The following INF2 variants were observed in gnomAD, a reference collection of about 807,000 sequenced individuals.
INF2 encodes the protein inverted formin 2, also known as inverted formin-2.
In INF2, 43 loss-of-function variants were observed where a neutral mutation model predicts 123.5. That is an observed-to-expected ratio of 0.35 (90% confidence interval 0.27 to 0.45). INF2 has a LOEUF of 0.45. Ranked by LOEUF, INF2 falls within the 20% of genes least tolerant of loss-of-function variation. The pLI, the probability that INF2 is intolerant of heterozygous loss-of-function variation, is 1.00. For synonymous variants in INF2, 851 were observed against 745.0 expected (o/e 1.14, Z -2.32); for missense variants, 1,453 against 1,682.7 (o/e 0.86, Z 2.39).
intron 10 of INF2, among the ~76,000 whole-genome samples, 170 bp from the exon 11 acceptor site, chr14:104,709,111 G>C (rs952424255): frequency 6.6e-6 from 1 of 152,150 alleles, no homozygotes; most frequent in Non-Finnish European, 1.5e-5. Flanking sequence ...GAGTCAGCCT[G>C]GGTCCCCTTC....
chr14:104,714,950 G>C, intron 21 of INF2, 94 bp downstream of exon 21: 1 of 1,326,540 alleles, frequency 7.5e-7, no homozygotes, highest in Non-Finnish European at 1.0e-6. Flanking sequence ...GCAAGTTCCA[G>C]CGGCACCCAG....
chr14:104,683,213 G>A (rs1164347533), intron 1 of INF2, among the ~76,000 whole-genome samples: 1 of 152,052 alleles, frequency 6.6e-6, no homozygotes, highest in Non-Finnish European at 1.5e-5. Context: ...GGGGAGGAGG[G>A]GCCCTGGGGA....
intron 15 of INF2, 59 bp downstream of exon 15, chr14:104,711,245 G>T: frequency 7.5e-7 from 1 of 1,336,664 alleles, no homozygotes; most frequent in Non-Finnish European, 1.0e-6. Context: ...GACCTGGGGT[G>T]TAGAGGCGTA....
intron 13 of INF2, 135 bp downstream of exon 13, chr14:104,710,323 AC>A: frequency 1.5e-6 from 1 of 658,684 alleles, no homozygotes; most frequent in Non-Finnish European, 2.7e-6. Context: ...AGCCTTCACC[AC>A]CACTCCGGAA....
chr14:104,704,381 T>G, intron 5 of INF2: 1 of 248,560 alleles, frequency 4.0e-6, no homozygotes, highest in Non-Finnish European at 7.7e-6. Context: ...TGTTCGTCGC[T>G]ACTTGGTGTC....
rs543889606 is a variant in INF2, at chr14:104,706,040, T to G, written c.707T>G (p.Leu236Arg). ...LLDVLARLRD[L>R]EDADLLIQLE... ...ACCTGGCCCCTCCTGCACAGAGACC[T>G]GGAGGATGCCGACCTGCTGATCCAG... Residue 236 changes from leucine to arginine, a missense_variant, in exon 6 of 23, where the codon CTG becomes CGG. This residue lies in a region of INF2 where 251 missense variants were observed against 349.4 expected (regional missense o/e 0.72). Transcript: ENST00000392634. 2.5e-6 allele frequency: 4 copies of G among 1,611,984 alleles called. No individual in the cohort carries two copies. The South Asian group carries it at 4.4e-5, about 18-fold the overall frequency.
chr14:104,700,824 G>C (rs1462621109), intron 1 of INF2: 2 of 985,098 alleles, frequency 2.0e-6, no homozygotes, highest in African/African-American at 3.5e-5. Context: ...CTCCTCCCCA[G>C]CCACGCTGCT....
Position 104,719,181 on chromosome 14 carries a change from A to C in INF2, c.*388A>C. 1 of 259,562 alleles carries C rather than the reference A, an allele frequency of 3.9e-6. No individual in the cohort carries two copies. The highest frequency in any genetic ancestry group is 7.3e-6 in the Non-Finnish European group (1 of 137,132). The allele number at this position is 259,562 out of a possible 1,614,324, so 16.1% of individuals were successfully genotyped here. On this transcript the variant is annotated 3_prime_UTR_variant, in exon 23 of 23. Coordinates refer to ENST00000392634, the MANE Select transcript of INF2 (RefSeq NM_022489.4). ...GCCCAGCAAGGTTTAATCAAAATGCAATGCTTTGCAAGTCTTTACTGCTTG... is the reference window on the plus strand; with the variant it reads ...GCCCAGCAAGGTTTAATCAAAATGCCATGCTTTGCAAGTCTTTACTGCTTG...
At chr14:104,687,512 T>C (rs1288826674), upstream of INF2, among the ~76,000 whole-genome samples, 1 of 151,602 alleles carries the variant, frequency 6.6e-6, no homozygotes, top group Admixed American at 6.6e-5. The surrounding 1 kb of genome is among the most constrained non-coding windows in gnomAD (Gnocchi z 5.6). Flanking sequence ...ACACTCTTAA[T>C]CAGGGCCCAA....
intron 17 of INF2, 46 bp downstream of exon 17, chr14:104,712,599 A>T: frequency 6.2e-7 from 1 of 1,611,216 alleles, no homozygotes; most frequent in Non-Finnish European, 8.5e-7. Context: ...GGCTGCCCTG[A>T]TAGAGTGAGC....
chr14:104,706,899 C>T lies in INF2; in HGVS notation c.844-11C>T, dbSNP rs1413093278. 8 of 1,603,340 alleles carry T rather than the reference C, an allele frequency of 5.0e-6. No homozygotes were observed. The highest frequency in any genetic ancestry group is 4.5e-5 in the East Asian group (2 of 44,858). ...CGGCTGCTGACCTGCACCCCACACT[C>T]GCCCGTCCAGGTGAGCTGCTCCCCG... On this transcript the variant is annotated splice_polypyrimidine_tract_variant and intron_variant, in intron 6 of 22. Transcript: ENST00000392634.
upstream of INF2, among the ~76,000 whole-genome samples, chr14:104,686,513 A>ATGGG (rs1483913824): frequency 2.0e-5 from 3 of 152,018 alleles, no homozygotes; most frequent in African/African-American, 7.2e-5. Context: ...GAATGGGTGA[A>ATGGG]TGGGTACATA....
At chr14:104,717,955 G>A (rs555868793) in intron 22 of INF2, among the ~76,000 whole-genome samples, 1 of 152,322 alleles carries the variant, frequency 6.6e-6, no homozygotes, top group East Asian at 1.9e-4. Flanking sequence ...CATTTGATGG[G>A]GACCAGCGGG....
intron 1 of INF2, chr14:104,690,863 TCGGTGCTCAGCCCCCAGTG>T (rs1307125548): frequency 3.3e-5 from 5 of 152,242 alleles, no homozygotes; most frequent in Admixed American, 2.6e-4. Context: ...TTTTGGGGTG[TCGGTGCTCAGCCCCCAGTG>T]CAGCAAATAG....
chr14:104,688,162 C>T (rs1231893930), upstream of INF2, among the ~76,000 whole-genome samples: 3 of 152,260 alleles, frequency 2.0e-5, no homozygotes, highest in Admixed American at 6.5e-5. Context: ...GAGCAGCGGC[C>T]GCCCAGGTTG....
intron 16 of INF2, among the ~76,000 whole-genome samples, 166 bp downstream of exon 16, chr14:104,711,865 G>T (rs1364285327): frequency 6.6e-6 from 1 of 152,208 alleles, no homozygotes. Flanking sequence ...GACAGGACCG[G>T]GTCTGCCGTG....
rs1195497497 is a variant in INF2 at position 104,707,361 on chromosome 14, A to G, written c.1094A>G (p.Asp365Gly). 6.3e-7 allele frequency: 1 copy of G among 1,596,938 alleles called. No individual in the cohort carries two copies. The highest frequency in any genetic ancestry group is 8.5e-7 in the Non-Finnish European group (1 of 1,172,944). ...CATAAAAGCGTCCAGGCCAACCTAG[A>G]CCAGAGCCAGAGGGGCAGCTCCCCG... ...KAHKSVQANL[D>G]QSQRGSSPQN... The change falls in exon 8 of 23, where the codon GAC becomes GGC. Residue 365 changes from aspartate (D) to glycine (G), a missense_variant. Asp to Gly is a moderately conservative substitution (Grantham distance 94, BLOSUM62 -1). Coordinates refer to ENST00000392634, the MANE Select transcript of INF2 (RefSeq NM_022489.4).
intron 1 of INF2, chr14:104,700,917 G>A (rs760100634): frequency 2.6e-5 from 25 of 956,814 alleles, no homozygotes; most frequent in Non-Finnish European, 9.9e-6. Flanking sequence ...AGTGCCCTGG[G>A]GTGAGATAAG....
Position 104,699,448 on chromosome 14 carries a change from G to A in INF2, c.-9-1909G>A, listed in dbSNP as rs74091122. On this transcript the variant is annotated intron_variant, in intron 1 of 22. Transcript: ENST00000392634. This position sits in a 1 kb window ranked among gnomAD's most constrained non-coding sequence, Gnocchi z 4.7. ...CAACCCTACTGCCACCAGGAGGGGC[G>A]TTGGGGACCTGAGGCTGCCTGGGAG... 2.2e-3 allele frequency: 2,120 copies of A among 985,380 alleles called. 41 individuals carry two copies. The African/African-American group carries it at 0.035, about 16-fold the overall frequency. The allele number at this position is 985,380 out of a possible 1,614,324, so 61.0% of individuals were successfully genotyped here. A position where few individuals can be genotyped will look rare whatever the true frequency, so the allele number is the denominator to read the frequency against.
Sources: gnomAD v4.1 joint callset for allele counts (sites outside exome capture counted in the v4.1 genomes callset) on GRCh38, gnomAD v4.1.1 for gene constraint, gnomAD v4.1.1 regional missense constraint, Gnocchi (gnomAD v3.1) non-coding constraint, MANE v1.5 for transcripts, NCBI Gene and HGNC (gene_info 2026-07-23, HGNC 2026-07-21) for gene names.